Variants in HLA-DOA observed in about 807,000 individuals in gnomAD.
HLA-DOA encodes HLA class II histocompatibility antigen, DO alpha chain.
In HLA-DOA, 27 loss-of-function variants were observed where a neutral mutation model predicts 22.9. The ratio of observed to expected loss-of-function variants is 1.18; its 90% CI spans 0.87 to 1.62. The LOEUF (loss-of-function observed/expected upper bound fraction) is 1.62. Among genes scored for constraint, HLA-DOA ranks in the 40% most tolerant of loss-of-function variants. HLA-DOA has a pLI of 0.00. For synonymous variants in HLA-DOA, 137 were observed against 138.6 expected (o/e 0.99, Z 0.08); for missense variants, 324 against 332.4 (o/e 0.97, Z 0.20).
intron 2 of HLA-DOA, 42 bp from the exon 3 acceptor site, chr6:33,007,634 C>A: frequency 6.3e-7 from 1 of 1,577,058 alleles, no homozygotes; most frequent in South Asian, 1.2e-5. Flanking sequence ...CATCCCTCAC[C>A]CCAGGGCCTT....
chr6:33,008,392 C>G, intron 1 of HLA-DOA, 131 bp from the exon 2 acceptor site: 1 of 1,481,480 alleles, frequency 6.8e-7, no homozygotes, highest in Non-Finnish European at 8.9e-7. Flanking sequence ...CCTGTTCTGA[C>G]ACTGGGCTGG....
chr6:33,008,943 A>G (rs187057675), intron 1 of HLA-DOA, among the ~76,000 whole-genome samples: 31 of 152,310 alleles, frequency 2.0e-4, no homozygotes, highest in Admixed American at 1.2e-3. Context: ...TTGTTTGAGC[A>G]ACAGTTATTG....
chr6:33,007,144 G>A lies in HLA-DOA; in HGVS notation c.685C>T (p.Leu229=). ...LVCALGLAIG[L]VGFLVGTVLI... is the part of the protein sequence containing the mutation. ...ACGGTGCCCACGAGGAAGCCCACCAGGCCGATGGCCAGGCCCAGGGCACAG... is the reference window on the plus strand; with the variant it reads ...ACGGTGCCCACGAGGAAGCCCACCAAGCCGATGGCCAGGCCCAGGGCACAG... Residue 229 remains leucine, a synonymous_variant, in exon 4 of 5, where the codon CTG becomes TTG. Transcript: ENST00000229829. The A allele has an allele frequency of 6.2e-7, 1 of 1,613,932 alleles. No homozygotes were observed. The highest frequency in any genetic ancestry group is 1.6e-4 in the Middle Eastern group (1 of 6,062).
Position 33,009,554 on chromosome 6 carries a change from A to G in HLA-DOA, c.-18T>C. 1 of 1,577,432 alleles carries G rather than the reference A, an allele frequency of 6.3e-7. No homozygotes were observed. The highest frequency in any genetic ancestry group is 1.1e-5 in the South Asian group (1 of 86,982). On this transcript the variant is annotated 5_prime_UTR_variant, in exon 1 of 5. Transcript: ENST00000229829. The surrounding 1 kb of genome is among the most constrained non-coding windows in gnomAD (Gnocchi z 4.8). ...AGGGCCATTACACTCTGGTGCTTTA[A>G]TCAAATCAGTCTCAGTCCGTGTGGT...
intron 2 of HLA-DOA, 112 bp downstream of exon 2, chr6:33,007,901 T>A: frequency 7.2e-7 from 1 of 1,388,130 alleles, no homozygotes; most frequent in Non-Finnish European, 9.7e-7. Context: ...GAACAGGGCA[T>A]GACAGGCGCG....
At position 33,007,156 on chromosome 6, in the gene HLA-DOA, G is replaced by A. The variant is rs184141944; in HGVS notation, c.673C>T (p.Leu225=). ...AMETLVCALG[L]AIGLVGFLVG... ...AGGAAGCCCACCAGGCCGATGGCCA[G>A]GCCCAGGGCACAGACCAGGGTCTCC... The change falls in exon 4 of 5, where the codon CTG becomes TTG. Residue 225 remains leucine (L), a synonymous_variant. Transcript: ENST00000229829. The A allele has an allele frequency of 5.0e-6, 8 of 1,613,980 alleles. No homozygotes were observed. The highest frequency in any genetic ancestry group is 1.6e-4 in the Middle Eastern group (1 of 6,062).
chr6:33,008,070 T>G lies in HLA-DOA; in HGVS notation c.274A>C (p.Ile92Leu). The change falls in exon 2 of 5, where the codon ATC becomes CTC. Residue 92 changes from isoleucine (I) to leucine (L), a missense_variant. Transcript: ENST00000229829. ...ACCAGGATGTCCAGATGGGCTTTGA[T>G]TGCGGCGATGCCGGCCAGCCCGCCC... The part of the protein sequence containing the change: ...PQGGLAGIAA[I>L]KAHLDILVER... The G allele has an allele frequency of 6.2e-7, 1 of 1,613,080 alleles. No homozygotes were observed. Among genetic ancestry groups the G allele is most frequent in the Non-Finnish European group, 8.5e-7 (1 of 1,180,036 alleles).
chr6:33,008,512 G>C (rs1255943320), intron 1 of HLA-DOA: 11 of 1,019,554 alleles, frequency 1.1e-5, no homozygotes, highest in Non-Finnish European at 1.4e-5. Flanking sequence ...GAAGAGGAGG[G>C]ACTGCCTAAA....
Position 33,007,511 on chromosome 6 carries a change from ATGT to A in HLA-DOA, c.410_412del (p.Asn137del), listed in dbSNP as rs1562011687. 9 of 1,612,854 alleles carry A rather than the reference ATGT, an allele frequency of 5.6e-6. 1 individual carries two copies. In the South Asian group the frequency reaches 9.9e-5, roughly 18 times the overall value. On this transcript the variant is annotated inframe_deletion, in exon 3 of 5. Coordinates refer to ENST00000229829, the MANE Select transcript of HLA-DOA (RefSeq NM_002119.4). ...GGTGATATTGATCACAGGGGGGAAG[ATGT>A]TGTCCACGATGCAGATGAGGATGTT...
chr6:33,009,497 G>A lies in HLA-DOA; in HGVS notation c.40C>T (p.Leu14=), dbSNP rs973942479. 14 of 1,607,076 alleles carry A rather than the reference G, an allele frequency of 8.7e-6. No individual in the cohort carries two copies. The highest frequency in any genetic ancestry group is 1.2e-5 in the Non-Finnish European group (14 of 1,178,452). Residue 14 remains leucine, a synonymous_variant, in exon 1 of 5, where the codon CTG becomes TTG. Coordinates refer to ENST00000229829, the MANE Select transcript of HLA-DOA (RefSeq NM_002119.4). The surrounding 1 kb of genome is among the most constrained non-coding windows in gnomAD (Gnocchi z 4.8). The stretch of plus-strand genomic sequence containing the variant: ...TCCTGCGGGCTCAGGAGGGTCATCA[G>A]GGTGTGGAACCCCAGGACCAGCCCT... ...RAGLVLGFHT[L]MTLLSPQEAG...
chr6:33,006,491 T>C lies in HLA-DOA; in HGVS notation c.*347A>G, dbSNP rs408036. On this transcript the variant is annotated 3_prime_UTR_variant, in exon 5 of 5. Coordinates refer to ENST00000229829, the MANE Select transcript of HLA-DOA (RefSeq NM_002119.4). ...AGACACACCTGTGTGGGCCCCAGGA[T>C]GGCTGCCAATCCCCAGCACCACATG... 0.44 allele frequency: 218,432 copies of C among 498,770 alleles called. 49,265 individuals are homozygous for C. Among genetic ancestry groups the C allele is most frequent in the East Asian group, 0.51 (15,177 of 29,602 alleles). The allele number at this position is 498,770 out of a possible 1,614,324, so 30.9% of individuals were successfully genotyped here.
At position 33,007,321 on chromosome 6, in the gene HLA-DOA, G is replaced by A; in HGVS notation, c.603C>T (p.Leu201=). 6.2e-7 allele frequency: 1 copy of A among 1,612,822 alleles called. No individual in the cohort carries two copies. The highest frequency in any genetic ancestry group is 8.5e-7 in the Non-Finnish European group (1 of 1,179,846). ...VEHWGLDAPL[L]RHWELQVPIP... ...GAGGGGGCTCCGTACCCCAATGCCTGAGGAGTGGCGCATCCAGGCCCCAGT... is the reference window on the plus strand; with the variant it reads ...GAGGGGGCTCCGTACCCCAATGCCTAAGGAGTGGCGCATCCAGGCCCCAGT... The change falls in exon 3 of 5, where the codon CTC becomes CTT. Residue 201 remains leucine, a synonymous_variant. Transcript: ENST00000229829.
chr6:33,009,491 T>C lies in HLA-DOA; in HGVS notation c.46A>G (p.Thr16Ala). Residue 16 changes from threonine to alanine, a missense_variant, in exon 1 of 5, where the codon ACC (threonine) becomes GCC (alanine). Coordinates refer to ENST00000229829, the MANE Select transcript of HLA-DOA (RefSeq NM_002119.4). This position sits in a 1 kb window ranked among gnomAD's most constrained non-coding sequence, Gnocchi z 4.8. The stretch of plus-strand genomic sequence containing the variant: ...CCTGCCTCCTGCGGGCTCAGGAGGG[T>C]CATCAGGGTGTGGAACCCCAGGACC... ...GLVLGFHTLMTLLSPQEAGAT... is the reference protein window; with the variant it reads ...GLVLGFHTLMALLSPQEAGAT... 6.2e-7 allele frequency: 1 copy of C among 1,606,144 alleles called. No individual in the cohort carries two copies.
intron 2 of HLA-DOA, 134 bp downstream of exon 2, chr6:33,007,879 T>C: frequency 4.0e-6 from 5 of 1,264,502 alleles, no homozygotes; most frequent in Non-Finnish European, 5.4e-6. Flanking sequence ...TGGAGCCTCC[T>C]GGGAAAGAAA....
intron 2 of HLA-DOA, 95 bp downstream of exon 2, chr6:33,007,918 G>C: frequency 6.9e-7 from 1 of 1,459,206 alleles, no homozygotes; most frequent in Non-Finnish European, 9.2e-7. Context: ...CGCGGGCGCT[G>C]AGAGCGCGCC....
intron 1 of HLA-DOA, chr6:33,008,487 G>A: frequency 8.1e-7 from 1 of 1,227,230 alleles, no homozygotes. Flanking sequence ...AGTGCAGTCT[G>A]GCATATCAGG....
intron 2 of HLA-DOA, 105 bp from the exon 3 acceptor site, chr6:33,007,697 G>T: frequency 7.5e-7 from 1 of 1,328,470 alleles, no homozygotes; most frequent in South Asian, 1.4e-5. Context: ...TGTGGGCAGG[G>T]GATGCTCTGG....
At chr6:33,008,531 TG>T in intron 1 of HLA-DOA, 1 of 817,266 alleles carries the variant, frequency 1.2e-6, no homozygotes, top group Non-Finnish European at 1.7e-6. Flanking sequence ...AAATCATGCT[TG>T]GGGTTCCAGA....
Position 33,005,498 on chromosome 6 carries a change from A to T in HLA-DOA, c.*1340T>A, listed in dbSNP as rs1352463768. The stretch of plus-strand genomic sequence containing the variant: ...AGAGTGAGACCCCATCTCAGAAAAG[A>T]CAGCCTCCCTGTTGCTGCCCCCTGC... On this transcript the variant is annotated 3_prime_UTR_variant, in exon 5 of 5. Coordinates refer to ENST00000229829, the MANE Select transcript of HLA-DOA (RefSeq NM_002119.4). The T allele has an allele frequency of 6.6e-6, 1 of 152,448 alleles. No homozygotes were observed. The highest frequency in any genetic ancestry group is 2.4e-5 in the African/African-American group (1 of 41,422). The allele number at this position is 152,448 out of a possible 1,614,324, so 9.4% of individuals were successfully genotyped here.
Sources: allele counts gnomAD v4.1 joint callset (sites outside exome capture counted in the v4.1 genomes callset), GRCh38; gene constraint gnomAD v4.1.1; non-coding constraint Gnocchi (gnomAD v3.1); transcripts MANE v1.5; gene names NCBI Gene and HGNC (gene_info 2026-07-23, HGNC 2026-07-21).